The following ADAMTS18 variants were observed in gnomAD, a reference collection of about 807,000 sequenced individuals.
ADAMTS18 encodes the protein A disintegrin and metalloproteinase with thrombospondin motifs 18.
A neutral mutation model predicts 165.9 loss-of-function variants in ADAMTS18; 157 were observed. That is an observed-to-expected ratio of 0.95 (90% CI 0.83 to 1.08). The LOEUF is 1.08. Among genes scored for constraint, ADAMTS18 ranks in the 50% least tolerant of loss-of-function variants. The probability of loss-of-function intolerance (pLI) is 0.00; values close to 1 mark genes in which losing one functional copy is unlikely to be tolerated. For missense variants in ADAMTS18, 2,040 were observed against 1,534.0 expected (o/e 1.33, Z -5.51); for synonymous variants, 782 against 578.2 (o/e 1.35, Z -5.06).
intron 5 of ADAMTS18, 25 bp from the exon 6 acceptor site, chr16:77,363,910 A>T (rs1339327831): frequency 1.2e-6 from 2 of 1,610,918 alleles, no homozygotes; most frequent in Non-Finnish European, 1.7e-6. Flanking sequence ...GAAATCAAAC[A>T]AAATCTCAAA....
intron 11 of ADAMTS18, among the ~76,000 whole-genome samples, chr16:77,337,261 G>A (rs752848202): frequency 6.6e-6 from 1 of 152,110 alleles, no homozygotes; most frequent in Non-Finnish European, 1.5e-5. Flanking sequence ...TTTCTACCGG[G>A]AATCACGAGG....
chr16:77,383,631 C>T (rs1204226744), intron 3 of ADAMTS18, among the ~76,000 whole-genome samples: 1 of 152,094 alleles, frequency 6.6e-6, no homozygotes, highest in South Asian at 2.1e-4. Context: ...GCAACCTCCA[C>T]CTCCCAGGTT....
At chr16:77,345,829 G>C (rs993217018) in intron 10 of ADAMTS18, among the ~76,000 whole-genome samples, 1 of 152,156 alleles carries the variant, frequency 6.6e-6, no homozygotes, top group African/African-American at 2.4e-5. Context: ...AATCAACTCA[G>C]TGTCAGTCAG....
At chr16:77,318,663 C>T (rs1396713021) in intron 16 of ADAMTS18, among the ~76,000 whole-genome samples, 3 of 152,182 alleles carry the variant, frequency 2.0e-5, no homozygotes, top group Admixed American at 6.5e-5. Flanking sequence ...CTGAGTGTTA[C>T]ATAGATCTCA....
At chr16:77,328,845 A>C (rs1283491854) in intron 12 of ADAMTS18, among the ~76,000 whole-genome samples, 1 of 152,216 alleles carries the variant, frequency 6.6e-6, no homozygotes, top group East Asian at 1.9e-4. Context: ...TCATACAGCC[A>C]TTGTCCTCCT....
In ADAMTS18 at chr16:77,300,835, A is replaced by G. The variant is rs139345571; in HGVS notation, c.2533-431T>C. Among the ~76,000 whole-genome samples the G allele has an allele frequency of 4.1e-3, 617 of 152,258 alleles. 4 individuals carry two copies. The highest frequency in any genetic ancestry group is 0.017 in the Middle Eastern group (5 of 294). ...GTTAAAACTGAATCTACATATATAT[A>G]TTTTTATGATCTATCCTAGGTCACA... On this transcript the variant is annotated intron_variant, in intron 16 of 22. Transcript: ENST00000282849.
chr16:77,370,093 G>C (rs1321893275), intron 3 of ADAMTS18, among the ~76,000 whole-genome samples: 3 of 151,992 alleles, frequency 2.0e-5, no homozygotes, highest in African/African-American at 7.3e-5. Context: ...ACACAATAAA[G>C]GCCATATATG....
chr16:77,433,675 T>C (rs180889983), intron 2 of ADAMTS18, among the ~76,000 whole-genome samples: 9 of 152,290 alleles, frequency 5.9e-5, no homozygotes, highest in East Asian at 1.9e-4. Flanking sequence ...AACTAAAAAT[T>C]ACAGAATTCT....
At chr16:77,333,885 G>GTATAA (rs141377842) in intron 12 of ADAMTS18, among the ~76,000 whole-genome samples, 74,034 of 142,834 alleles carry the variant, frequency 0.52, 19,554 homozygotes, top group Non-Finnish European at 0.55. Context: ...TAGTATATTA[G>GTATAA]TATATTAATA....
intron 12 of ADAMTS18, among the ~76,000 whole-genome samples, chr16:77,326,580 G>A (rs760939858): frequency 2.6e-5 from 4 of 152,066 alleles, no homozygotes; most frequent in South Asian, 2.1e-4. Context: ...ATGTGGTTTC[G>A]CCATGTTGCC....
intron 3 of ADAMTS18, among the ~76,000 whole-genome samples, chr16:77,420,298 G>A (rs551517606): frequency 6.6e-6 from 1 of 152,166 alleles, no homozygotes; most frequent in East Asian, 1.9e-4. Context: ...ATGTTAAGCT[G>A]TGACACCACC....
chr16:77,333,796 GATAGT>G lies in ADAMTS18; in HGVS notation c.1859+1955_1859+1959del, dbSNP rs560294681. Among the ~76,000 whole-genome samples, 224 of 147,890 alleles carry G rather than the reference GATAGT, an allele frequency of 1.5e-3. 1 individual carries two copies. Among genetic ancestry groups the G allele is most frequent in the African/African-American group, 5.1e-3 (208 of 40,562 alleles). On this transcript the variant is annotated intron_variant, in intron 12 of 22. Coordinates refer to ENST00000282849, the MANE Select transcript of ADAMTS18 (RefSeq NM_199355.4). The stretch of plus-strand genomic sequence containing the variant: ...TCCATTCATCCTACTAATGCTGCTA[GATAGT>G]ATAGTACAGATACTATATATTAATA...
chr16:77,316,259 A>AC (rs796081899), intron 16 of ADAMTS18, among the ~76,000 whole-genome samples: 9 of 147,356 alleles, frequency 6.1e-5, no homozygotes, highest in African/African-American at 2.2e-4. Flanking sequence ...GCCTGGTTGA[A>AC]TTTTTTTTTT....
intron 3 of ADAMTS18, among the ~76,000 whole-genome samples, chr16:77,403,795 G>C (rs768369263): frequency 6.6e-6 from 1 of 152,170 alleles, no homozygotes; most frequent in Non-Finnish European, 1.5e-5. Context: ...TCTAGTGAGA[G>C]ACAAATAACC....
chr16:77,398,406 G>A (rs943541732), intron 3 of ADAMTS18, among the ~76,000 whole-genome samples: 5 of 152,036 alleles, frequency 3.3e-5, no homozygotes, highest in African/African-American at 1.2e-4. Context: ...CCAGGGAGTG[G>A]TATAACAATC....
chr16:77,305,640 T>A (rs2055667809), intron 16 of ADAMTS18, among the ~76,000 whole-genome samples: 2 of 152,184 alleles, frequency 1.3e-5, no homozygotes, highest in Non-Finnish European at 2.9e-5. Context: ...AAATTCGAAA[T>A]GACCCTGCAA....
At chr16:77,427,230 C>T (rs2057684798) in intron 3 of ADAMTS18, among the ~76,000 whole-genome samples, 1 of 152,164 alleles carries the variant, frequency 6.6e-6, no homozygotes, top group Admixed American at 6.5e-5. Context: ...CATAGTTGTT[C>T]ACACTCTGAT....
chr16:77,358,836 C>T (rs1398436743), intron 8 of ADAMTS18, among the ~76,000 whole-genome samples: 3 of 152,138 alleles, frequency 2.0e-5, no homozygotes, highest in Admixed American at 6.5e-5. Context: ...TTCTCTATAG[C>T]GTTGTCTCCA....
chr16:77,373,392 G>T (rs146649765), intron 3 of ADAMTS18, among the ~76,000 whole-genome samples: 5,854 of 151,420 alleles, frequency 0.039, 344 homozygotes, highest in African/African-American at 0.13. Context: ...ACGGGAGGCG[G>T]AGGTTGCAGT....
Sources: gnomAD v4.1 joint callset for allele counts (sites outside exome capture counted in the v4.1 genomes callset) on GRCh38, gnomAD v4.1.1 for gene constraint, MANE v1.5 for transcripts, NCBI Gene and HGNC (gene_info 2026-07-23, HGNC 2026-07-21) for gene names.